TMC2: variants seen among roughly 807,000 people sequenced by gnomAD.
TMC2 encodes transmembrane channel-like protein 2.
TMC2 carries 102 observed loss-of-function variants against 105.9 expected under a neutral mutation model. The observed-to-expected ratio is 0.96, with a 90% confidence interval of 0.82 to 1.14. TMC2 has a LOEUF of 1.14. TMC2 is among the 50% of genes most tolerant of loss of function. The probability of loss-of-function intolerance (pLI) is 0.00; values close to 1 mark genes in which losing one functional copy is unlikely to be tolerated. For synonymous variants in TMC2, 402 were observed against 422.8 expected (o/e 0.95, Z 0.60); for missense variants, 1,093 against 1,134.3 (o/e 0.96, Z 0.52).
intron 17 of TMC2, among the ~76,000 whole-genome samples, chr20:2,628,222 C>A (rs564433958): frequency 6.6e-6 from 1 of 151,454 alleles, no homozygotes; most frequent in African/African-American, 2.4e-5. Context: ...TTAAGTTTTC[C>A]AATCCAAGAA....
chr20:2,549,949 G>A (rs931333628), intron 2 of TMC2, among the ~76,000 whole-genome samples: 9 of 151,714 alleles, frequency 5.9e-5, no homozygotes, highest in South Asian at 2.1e-4. Flanking sequence ...TTGGGAGGAC[G>A]AGTTGCACAG....
rs1039754655 is a variant in TMC2, at chr20:2,549,471, G to T, written c.83-8985G>T. Among the ~76,000 whole-genome samples, 3 of 152,156 alleles carry T rather than the reference G, an allele frequency of 2.0e-5. No individual in the cohort carries two copies. The East Asian group carries it at 5.8e-4, about 29-fold the overall frequency. ...AAAAAATATTTTTCCAGCCAGGCAT[G>T]GTTGCTTACGTCTGTAATCCCAGCA... On this transcript the variant is annotated intron_variant, in intron 2 of 19. Coordinates refer to ENST00000358864, the MANE Select transcript of TMC2 (RefSeq NM_080751.3).
intron 10 of TMC2, among the ~76,000 whole-genome samples, chr20:2,598,575 C>G (rs1271202450): frequency 1.3e-5 from 2 of 151,852 alleles, no homozygotes; most frequent in Non-Finnish European, 2.9e-5. Flanking sequence ...TCACCATGCC[C>G]GGCTAATTTT....
chr20:2,572,143 A>C (rs774264097), intron 4 of TMC2, 36 bp from the exon 5 acceptor site: 1 of 1,502,488 alleles, frequency 6.7e-7, no homozygotes, highest in African/African-American at 1.4e-5. Flanking sequence ...GTTAGGTGCT[A>C]ACTGAAATCC....
intron 4 of TMC2, among the ~76,000 whole-genome samples, chr20:2,563,460 C>T (rs1056275148): frequency 3.3e-5 from 5 of 152,288 alleles, no homozygotes; most frequent in African/African-American, 7.2e-5. Flanking sequence ...GCCACTACCA[C>T]GTGTGGTTAC....
intron 18 of TMC2, among the ~76,000 whole-genome samples, chr20:2,636,488 A>ACACACACACACG (rs2086645330): frequency 6.6e-6 from 1 of 150,944 alleles, no homozygotes. Flanking sequence ...ACACACACAC[A>ACACACACACACG]CACACGCACA....
At chr20:2,549,708 C>A (rs1034461131) in intron 2 of TMC2, among the ~76,000 whole-genome samples, 3 of 151,850 alleles carry the variant, frequency 2.0e-5, no homozygotes, top group Non-Finnish European at 2.9e-5. Flanking sequence ...ACGCCACTGC[C>A]CTCCAGCCAA....
At chr20:2,564,276 G>A (rs1012333029) in intron 4 of TMC2, among the ~76,000 whole-genome samples, 9 of 150,522 alleles carry the variant, frequency 6.0e-5, no homozygotes, top group Non-Finnish European at 1.0e-4. Flanking sequence ...TCAGCCTGCC[G>A]AGTAGCTGGG....
In TMC2 at chr20:2,641,454, A is replaced by C; in HGVS notation, c.*103A>C. ...CTCTCCCCTCTTTCCTCTCACATAC[A>C]TGCTCTGTCTCCTCTCTTGGAATGC... On this transcript the variant is annotated 3_prime_UTR_variant, in exon 20 of 20. Coordinates refer to ENST00000358864, the MANE Select transcript of TMC2 (RefSeq NM_080751.3). The C allele has an allele frequency of 2.9e-6, 2 of 683,290 alleles. No homozygotes were observed. Among genetic ancestry groups the C allele is most frequent in the Non-Finnish European group, 5.1e-6 (2 of 394,954 alleles). The allele number at this position is 683,290 out of a possible 1,614,324, so 42.3% of individuals were successfully genotyped here. A position where few individuals can be genotyped will look rare whatever the true frequency, so the allele number is the denominator to read the frequency against.
intron 3 of TMC2, among the ~76,000 whole-genome samples, chr20:2,560,247 G>A (rs910833998): frequency 1.4e-5 from 2 of 142,052 alleles, no homozygotes; most frequent in East Asian, 2.0e-4. Context: ...ATCATCAATT[G>A]GGTGTGCATG....
At chr20:2,568,587 A>G (rs944138101) in intron 4 of TMC2, among the ~76,000 whole-genome samples, 4 of 152,230 alleles carry the variant, frequency 2.6e-5, no homozygotes, top group Admixed American at 2.0e-4. Flanking sequence ...AAGCTGCTAA[A>G]TCTTAAAACC....
chr20:2,603,125 C>T (rs1354229991), intron 11 of TMC2, among the ~76,000 whole-genome samples: 2 of 152,136 alleles, frequency 1.3e-5, no homozygotes, highest in East Asian at 3.8e-4. Flanking sequence ...GTTATCTCCC[C>T]ACCCTGGCCA....
intron 18 of TMC2, 143 bp downstream of exon 18, chr20:2,636,147 A>C: frequency 1.5e-6 from 1 of 664,582 alleles, no homozygotes; most frequent in Non-Finnish European, 2.7e-6. Context: ...TATGGGAAGT[A>C]GCCTTGTGAG....
intron 17 of TMC2, among the ~76,000 whole-genome samples, 180 bp from the exon 18 acceptor site, chr20:2,635,746 T>G (rs924436257): frequency 2.0e-5 from 3 of 152,194 alleles, no homozygotes; most frequent in African/African-American, 7.2e-5. Context: ...CATAATAAAA[T>G]AGAGAGGATG....
intron 14 of TMC2, chr20:2,613,940 G>A (rs1330827144): frequency 1.3e-5 from 2 of 155,404 alleles, no homozygotes; most frequent in African/African-American, 2.4e-5. Context: ...TGCATGTAAG[G>A]TACCTACCTC....
chr20:2,614,521 C>T (rs1470124883), intron 14 of TMC2, among the ~76,000 whole-genome samples: 3 of 152,142 alleles, frequency 2.0e-5, no homozygotes, highest in Non-Finnish European at 4.4e-5. Context: ...AGGAGGATCC[C>T]TTGATCCCTT....
intron 4 of TMC2, 75 bp downstream of exon 4, chr20:2,562,085 C>T: frequency 6.6e-7 from 1 of 1,515,288 alleles, no homozygotes; most frequent in African/African-American, 1.4e-5. Flanking sequence ...GCCCTCCCTC[C>T]ACATTTCCCC....
chr20:2,593,302 G>A (rs1461759418), intron 8 of TMC2, among the ~76,000 whole-genome samples: 1 of 152,140 alleles, frequency 6.6e-6, no homozygotes, highest in East Asian at 1.9e-4. Flanking sequence ...CTCAACACCT[G>A]GGGATTACAA....
chr20:2,536,611 T>C lies in TMC2; in HGVS notation c.-11T>C, dbSNP rs1399194550. 8 of 1,569,696 alleles carry C rather than the reference T, an allele frequency of 5.1e-6. No individual in the cohort carries two copies. The highest frequency in any genetic ancestry group is 1.9e-5 in the Admixed American group (1 of 52,292). On this transcript the variant is annotated 5_prime_UTR_variant, in exon 1 of 20. Transcript: ENST00000358864. ...GTGAGCCTGTGCAGGACCCCAGCAG[T>C]GCTGCTGACCATGAGCCACCAGGTA... is the stretch of plus-strand genomic sequence containing the variant.
Sources: allele counts gnomAD v4.1 joint callset (sites outside exome capture counted in the v4.1 genomes callset), GRCh38; gene constraint gnomAD v4.1.1; transcripts MANE v1.5; gene names NCBI Gene and HGNC (gene_info 2026-07-23, HGNC 2026-07-21).